Variants in EYA1 observed in about 807,000 individuals in gnomAD.
EYA1 encodes the protein protein phosphatase EYA1.
A neutral mutation model predicts 82.0 loss-of-function variants in EYA1; 16 were observed. That is an observed-to-expected ratio of 0.20 (90% confidence interval 0.13 to 0.30). EYA1 has a LOEUF of 0.30. EYA1 is among the 10% of genes least tolerant of loss of function. The pLI is 1.00. For synonymous variants in EYA1, 261 were observed against 264.4 expected, an observed-to-expected ratio of 0.99 and a Z score of 0.12; for missense variants, 633 against 730.7, an observed-to-expected ratio of 0.87 and a Z score of 1.54.
At chr8:71,308,746 G>C (rs1222350655) in intron 7 of EYA1, among the ~76,000 whole-genome samples, 1 of 149,714 alleles carries the variant, frequency 6.7e-6, no homozygotes, top group Non-Finnish European at 1.5e-5. Context: ...TAACAAGTAG[G>C]TCAAAGGTCT....
intron 11 of EYA1, among the ~76,000 whole-genome samples, chr8:71,268,579 G>C (rs986324805): frequency 2.6e-5 from 4 of 152,010 alleles, no homozygotes; most frequent in Non-Finnish European, 2.9e-5. Context: ...CTGCATTTTT[G>C]TTGTCTTCTT....
At chr8:71,294,187 C>T (rs1306537054) in intron 9 of EYA1, among the ~76,000 whole-genome samples, 1 of 152,080 alleles carries the variant, frequency 6.6e-6, no homozygotes, top group African/African-American at 2.4e-5. Flanking sequence ...CGGCCGGGCG[C>T]GGTGGCTCAC....
intron 9 of EYA1, 78 bp downstream of exon 9, chr8:71,298,969 T>A (rs1035533929): frequency 6.9e-7 from 1 of 1,445,558 alleles, no homozygotes; most frequent in East Asian, 2.3e-5. Context: ...AACCACTGCA[T>A]GAATATATGA....
intron 11 of EYA1, among the ~76,000 whole-genome samples, chr8:71,264,291 T>C (rs1026687763): frequency 1.2e-4 from 19 of 152,172 alleles, no homozygotes; most frequent in Admixed American, 1.2e-3. Context: ...GGAACAACAA[T>C]CTCTACTGGC....
intron 2 of EYA1, among the ~76,000 whole-genome samples, chr8:71,451,990 T>C (rs991444345): frequency 3.3e-5 from 5 of 152,132 alleles, no homozygotes; most frequent in African/African-American, 1.2e-4. Flanking sequence ...ACCTGGGAAG[T>C]GCAAGGGGTC....
chr8:71,341,210 C>A (rs915244132), intron 3 of EYA1, among the ~76,000 whole-genome samples: 1 of 152,020 alleles, frequency 6.6e-6, no homozygotes, highest in Non-Finnish European at 1.5e-5. Context: ...GGGACATGAC[C>A]CACAAAAGTA....
intron 2 of EYA1, among the ~76,000 whole-genome samples, chr8:71,520,209 A>C (rs1813285127): frequency 6.8e-6 from 1 of 147,858 alleles, no homozygotes. Flanking sequence ...AAACCCCCTC[A>C]TTGGCCCCCC....
chr8:71,406,394 C>G (rs1830224044), intron 2 of EYA1, among the ~76,000 whole-genome samples: 1 of 152,202 alleles, frequency 6.6e-6, no homozygotes, highest in Non-Finnish European at 1.5e-5. Flanking sequence ...ATAGGAACAG[C>G]TCCGGTCTAC....
At chr8:71,351,837 A>T (rs537635584) in intron 3 of EYA1, among the ~76,000 whole-genome samples, 1 of 152,302 alleles carries the variant, frequency 6.6e-6, no homozygotes, top group African/African-American at 2.4e-5. Context: ...TTGTTTTCTT[A>T]GCCTGATTAT....
chr8:71,499,934 A>G (rs756914188), intron 2 of EYA1, among the ~76,000 whole-genome samples: 6 of 152,252 alleles, frequency 3.9e-5, no homozygotes, highest in Non-Finnish European at 5.9e-5. Context: ...GGGAAATTTA[A>G]GGAACAGGTT....
chr8:71,413,302 C>T (rs1010413922), intron 2 of EYA1, among the ~76,000 whole-genome samples: 1 of 152,210 alleles, frequency 6.6e-6, no homozygotes, highest in Non-Finnish European at 1.5e-5. Context: ...AGAAACTTCT[C>T]AGTCTCCTGC....
At chr8:71,264,038 C>T (rs1408055800) in intron 11 of EYA1, among the ~76,000 whole-genome samples, 2 of 152,182 alleles carry the variant, frequency 1.3e-5, no homozygotes, top group Non-Finnish European at 2.9e-5. Context: ...AAGCATATGG[C>T]CCGCAAAGCC....
intron 2 of EYA1, among the ~76,000 whole-genome samples, chr8:71,383,805 A>T (rs998514911): frequency 1.1e-4 from 16 of 152,138 alleles, no homozygotes; most frequent in Admixed American, 9.2e-4. Context: ...TAACTTATTT[A>T]ATGTTTTGTT....
At chr8:71,514,472 T>C (rs1301205771) in intron 2 of EYA1, among the ~76,000 whole-genome samples, 2 of 152,288 alleles carry the variant, frequency 1.3e-5, no homozygotes, top group African/African-American at 2.4e-5. Flanking sequence ...GTTTTCACAC[T>C]GCTGATAAAG....
Position 71,400,701 on chromosome 8 carries a change from G to T in EYA1, c.34-44190C>A, listed in dbSNP as rs142050552. Reference sequence around the variant, plus strand: ...ACACTGTTGGTGGGAAGGTAAATTAGTTCAACCATTGTGGAAGACAGTGTG... The same window carrying T: ...ACACTGTTGGTGGGAAGGTAAATTATTTCAACCATTGTGGAAGACAGTGTG... On this transcript the variant is annotated intron_variant, in intron 2 of 18. Coordinates refer to the EYA1 transcript ENST00000643681. 5.1e-4 allele frequency among the ~76,000 whole-genome samples: 77 copies of T among 152,314 alleles called. No homozygotes were observed. The East Asian group carries it at 7.7e-3, about 15-fold the overall frequency.
At chr8:71,390,081 T>A (rs2129108912) in intron 2 of EYA1, among the ~76,000 whole-genome samples, 1 of 152,282 alleles carries the variant, frequency 6.6e-6, no homozygotes, top group Non-Finnish European at 1.5e-5. Flanking sequence ...TATATGTTGA[T>A]AGATTTCCTT....
At chr8:71,286,294 C>T (rs1464355958) in intron 9 of EYA1, among the ~76,000 whole-genome samples, 1 of 152,216 alleles carries the variant, frequency 6.6e-6, no homozygotes, top group Non-Finnish European at 1.5e-5. Context: ...GCCAGGAGCA[C>T]ACCCTCGTGG....
At position 71,239,758 on chromosome 8, in the gene EYA1, G is replaced by A. The variant is rs554069626; in HGVS notation, c.1140+4845C>T. ...GCACCTGTGAGATCCTTTGGCAGCA[G>A]AGAACCAGAGCTCTAGCATCCACAC... On this transcript the variant is annotated intron_variant, in intron 12 of 17. Transcript: ENST00000340726. 2.0e-5 allele frequency among the ~76,000 whole-genome samples: 3 copies of A among 152,324 alleles called. No individual in the cohort carries two copies. The South Asian group carries it at 6.2e-4, about 32-fold the overall frequency.
At chr8:71,444,055 A>G (rs1806650602) in intron 2 of EYA1, among the ~76,000 whole-genome samples, 1 of 152,222 alleles carries the variant, frequency 6.6e-6, no homozygotes, top group South Asian at 2.1e-4. Context: ...GACTGAGTGA[A>G]TGGTTGGTTT....
Sources: allele counts gnomAD v4.1 joint callset (sites outside exome capture counted in the v4.1 genomes callset), GRCh38; gene constraint gnomAD v4.1.1; transcripts MANE v1.5; gene names NCBI Gene and HGNC (gene_info 2026-07-23, HGNC 2026-07-21).